Variants in CMIP observed in about 807,000 individuals in gnomAD.
The protein encoded by CMIP is C-Maf-inducing protein.
A neutral mutation model predicts 97.3 loss-of-function variants in CMIP; 13 were observed. The observed-to-expected ratio is 0.13, with a 90% CI of 0.09 to 0.21. CMIP has a LOEUF of 0.21. Among genes scored for constraint, CMIP ranks in the 10% least tolerant of loss-of-function variants. The pLI, the probability that CMIP is intolerant of heterozygous loss-of-function variation, is 1.00. For missense variants in CMIP, 847 were observed against 1,024.9 expected (o/e 0.83, Z 2.37); for synonymous variants, 538 against 436.3 (o/e 1.23, Z -2.91).
intron 1 of CMIP, among the ~76,000 whole-genome samples, chr16:81,546,929 G>A (rs1218793987): frequency 1.3e-5 from 2 of 152,208 alleles, no homozygotes; most frequent in Non-Finnish European, 2.9e-5. Flanking sequence ...GGAGAGTGCC[G>A]ATGTAGAACA....
chr16:81,558,325 T>C lies in CMIP; in HGVS notation c.301-49242T>C, dbSNP rs181890910. Among the ~76,000 whole-genome samples the C allele has an allele frequency of 5.3e-5, 8 of 152,320 alleles. No homozygotes were observed. The East Asian group carries it at 1.5e-3, about 29-fold the overall frequency. On this transcript the variant is annotated intron_variant, in intron 1 of 20. Transcript: ENST00000537098. ...GCCTCTCGGCCGTTACAGATAGTGC[T>C]GCAGTGAACGTAGGTTTACAGGTAT...
At chr16:81,537,417 T>C (rs2090363377) in intron 1 of CMIP, among the ~76,000 whole-genome samples, 1 of 151,620 alleles carries the variant, frequency 6.6e-6, no homozygotes, top group Non-Finnish European at 1.5e-5. Flanking sequence ...CACCTGTAGT[T>C]GCAGCCACTT....
chr16:81,572,318 C>A (rs979809151), intron 1 of CMIP, among the ~76,000 whole-genome samples: 1 of 152,240 alleles, frequency 6.6e-6, no homozygotes, highest in African/African-American at 2.4e-5. Flanking sequence ...TTGGCCCTTG[C>A]CCTGTTTCTG....
At chr16:81,584,115 G>C (rs1456157919) in intron 1 of CMIP, among the ~76,000 whole-genome samples, 1 of 152,174 alleles carries the variant, frequency 6.6e-6, no homozygotes, top group Admixed American at 6.5e-5. Context: ...TGGAGTTGGA[G>C]TGTGGCCGAG....
At chr16:81,662,141 C>CAGCT (rs137959128) in intron 6 of CMIP, among the ~76,000 whole-genome samples, 11,363 of 152,214 alleles carry the variant, frequency 0.075, 588 homozygotes, top group Non-Finnish European at 0.11. Context: ...AGAGAACGGC[C>CAGCT]AGCTGCTCCT....
chr16:81,602,774 A>G (rs1481241151), intron 1 of CMIP, among the ~76,000 whole-genome samples: 1 of 152,198 alleles, frequency 6.6e-6, no homozygotes. Context: ...ACCATCCCTC[A>G]ATGGAGGAGA....
chr16:81,480,029 C>T (rs1308738073), intron 1 of CMIP, among the ~76,000 whole-genome samples: 2 of 152,184 alleles, frequency 1.3e-5, no homozygotes. Flanking sequence ...TCGTAACCCC[C>T]AAAACCCAGG....
chr16:81,594,339 G>C (rs2091515604), intron 1 of CMIP, among the ~76,000 whole-genome samples: 1 of 151,184 alleles, frequency 6.6e-6, no homozygotes, highest in Non-Finnish European at 1.5e-5. Context: ...GGCTGGTCTT[G>C]AACTTAAGAG....
Position 81,610,443 on chromosome 16 carries a change from G to A in CMIP, c.426+2751G>A. 4.1e-6 allele frequency: 4 copies of A among 986,134 alleles called. No homozygotes were observed. In the South Asian group the frequency reaches 1.4e-4, roughly 35 times the overall value. The allele number at this position is 986,134 out of a possible 1,614,324, so 61.1% of individuals were successfully genotyped here. A position where few individuals can be genotyped will look rare whatever the true frequency, so the allele number is the denominator to read the frequency against. ...AGGAAGCAGAGGAAAAGGAGGAGGA[G>A]GAGGCGGCTTGCAACTCCTCAGATC... On this transcript the variant is annotated intron_variant, in intron 2 of 20. Coordinates refer to ENST00000537098, the MANE Select transcript of CMIP (RefSeq NM_198390.3).
Position 81,627,873 on chromosome 16 carries a change from C to T in CMIP, c.477+6947C>T, listed in dbSNP as rs865945508. On this transcript the variant is annotated intron_variant, in intron 3 of 20. Coordinates refer to ENST00000537098, the MANE Select transcript of CMIP (RefSeq NM_198390.3). The surrounding 1 kb of genome is among the most constrained non-coding windows in gnomAD (Gnocchi z 4.6). ...GAGCTGGCGCTGGGGGACCACAACCCTCAAAGTCCCCAGCACCAAGGCAAA... is the reference window on the plus strand; with the variant it reads ...GAGCTGGCGCTGGGGGACCACAACCTTCAAAGTCCCCAGCACCAAGGCAAA... Among the ~76,000 whole-genome samples, 1 of 152,138 alleles carries T rather than the reference C, an allele frequency of 6.6e-6. No individual in the cohort carries two copies. The highest frequency in any genetic ancestry group is 1.5e-5 in the Non-Finnish European group (1 of 68,006).
chr16:81,613,786 C>G (rs1043856937), intron 2 of CMIP, among the ~76,000 whole-genome samples: 13 of 152,200 alleles, frequency 8.5e-5, no homozygotes, highest in Non-Finnish European at 1.8e-4. Context: ...ATTCATCCAT[C>G]CATCTATCCG....
chr16:81,455,412 G>A (rs1411943749), intron 1 of CMIP, among the ~76,000 whole-genome samples: 1 of 152,256 alleles, frequency 6.6e-6, no homozygotes. Flanking sequence ...TGAATGAACA[G>A]CTTGCCTAGT....
Position 81,691,846 on chromosome 16 carries a change from T to TC in CMIP, c.1454+9dup. On this transcript the variant is annotated splice_region_variant and intron_variant, in intron 11 of 20. Coordinates refer to ENST00000537098, the MANE Select transcript of CMIP (RefSeq NM_198390.3). ...CCCATTCCATTCCCCAAAGAGTAAG[T>TC]CCCGTGTGCATCCCCGGAGCCCTCC... The TC allele has an allele frequency of 6.2e-7, 1 of 1,612,756 alleles. No homozygotes were observed. The highest frequency in any genetic ancestry group is 1.7e-5 in the Admixed American group (1 of 59,998).
At chr16:81,493,728 C>G (rs1179176691) in intron 1 of CMIP, among the ~76,000 whole-genome samples, 1 of 152,210 alleles carries the variant, frequency 6.6e-6, no homozygotes, top group Non-Finnish European at 1.5e-5. Flanking sequence ...ATATGAGGGC[C>G]TAACATACAC....
intron 1 of CMIP, among the ~76,000 whole-genome samples, chr16:81,583,670 C>T (rs866424781): frequency 6.6e-6 from 1 of 152,152 alleles, no homozygotes; most frequent in African/African-American, 2.4e-5. Context: ...TACTTTGTTT[C>T]TCCTTTGGAC....
At chr16:81,649,565 A>G (rs2092403709) in intron 3 of CMIP, among the ~76,000 whole-genome samples, 1 of 152,200 alleles carries the variant, frequency 6.6e-6, no homozygotes, top group East Asian at 1.9e-4. Context: ...AATGGTGGCT[A>G]TTTCTGGGTT....
intron 5 of CMIP, among the ~76,000 whole-genome samples, chr16:81,658,384 T>A (rs1186975636): frequency 5.3e-5 from 8 of 152,246 alleles, no homozygotes; most frequent in African/African-American, 1.9e-4. Flanking sequence ...GTAAGCACCA[T>A]GCTATGTATT....
At chr16:81,508,169 GAATA>G (rs1953508351) in intron 1 of CMIP, among the ~76,000 whole-genome samples, 1 of 152,130 alleles carries the variant, frequency 6.6e-6, no homozygotes, top group South Asian at 2.1e-4. Context: ...ATTTATTTTT[GAATA>G]GATAGGACTT....
At chr16:81,689,677 T>G (rs1905830668) in intron 10 of CMIP, among the ~76,000 whole-genome samples, 1 of 152,258 alleles carries the variant, frequency 6.6e-6, no homozygotes, top group Non-Finnish European at 1.5e-5. Context: ...CATTTGTCAA[T>G]TTTGGCTTTT....
Sources: gnomAD v4.1 joint callset for allele counts (sites outside exome capture counted in the v4.1 genomes callset) on GRCh38, gnomAD v4.1.1 for gene constraint, Gnocchi (gnomAD v3.1) non-coding constraint, MANE v1.5 for transcripts, NCBI Gene and HGNC (gene_info 2026-07-23, HGNC 2026-07-21) for gene names.